RAD54L2: variants seen among roughly 807,000 people sequenced by gnomAD.
The protein encoded by RAD54L2 is helicase ARIP4.
Under a neutral mutation model 138.4 loss-of-function variants are expected in RAD54L2, and 27 were observed. That is an observed-to-expected ratio of 0.20 (90% CI 0.14 to 0.27). The LOEUF is 0.27. Among genes scored for constraint, RAD54L2 ranks in the 10% least tolerant of loss-of-function variants. The probability of loss-of-function intolerance (pLI) is 1.00; values close to 1 mark genes in which losing one functional copy is unlikely to be tolerated. For synonymous variants in RAD54L2, 644 were observed against 723.2 expected, an observed-to-expected ratio of 0.89 and a Z score of 1.76; for missense variants, 1,396 against 1,890.2, an observed-to-expected ratio of 0.74 and a Z score of 4.85.
rs1027769728 is a variant in RAD54L2, at chr3:51,627,594, T to C, written c.181T>C (p.Leu61=). The C allele has an allele frequency of 1.9e-6, 3 of 1,556,510 alleles. No homozygotes were observed. The highest frequency in any genetic ancestry group is 1.4e-5 in the African/African-American group (1 of 73,166). The stretch of plus-strand genomic sequence containing the variant: ...CATGTGTGGCACTGAGCATGCCCAG[T>C]TGGGAGAAGATGGGCAGCAGCCGCC... ...EGMCGTEHAQ[L]GEDGQQPPRC... The change falls in exon 4 of 23, where the codon TTG becomes CTG. Residue 61 remains leucine, a synonymous_variant. Transcript: ENST00000684192.
chr3:51,604,761 TG>T (rs1201605209), intron 3 of RAD54L2, among the ~76,000 whole-genome samples: 1 of 152,154 alleles, frequency 6.6e-6, no homozygotes, highest in Non-Finnish European at 1.5e-5. Context: ...TAGATGGCCT[TG>T]GACATGACTG....
At chr3:51,544,638 C>G (rs1242761397) in intron 2 of RAD54L2, among the ~76,000 whole-genome samples, 1 of 152,168 alleles carries the variant, frequency 6.6e-6, no homozygotes, top group Non-Finnish European at 1.5e-5. Context: ...GAGTCTTGCT[C>G]TGTCACCCAG....
At chr3:51,542,938 A>T (rs969481597) in intron 2 of RAD54L2, among the ~76,000 whole-genome samples, 1 of 152,078 alleles carries the variant, frequency 6.6e-6, no homozygotes, top group African/African-American at 2.4e-5. Flanking sequence ...ACTAAAGTAT[A>T]CCAGGCAGCA....
intron 3 of RAD54L2, among the ~76,000 whole-genome samples, chr3:51,610,662 A>G (rs1311744156): frequency 6.6e-6 from 1 of 151,940 alleles, no homozygotes; most frequent in Non-Finnish European, 1.5e-5. Context: ...AAAAAACAGA[A>G]AGAATGAATG....
intron 2 of RAD54L2, among the ~76,000 whole-genome samples, chr3:51,563,288 G>A (rs944819038): frequency 2.6e-5 from 4 of 152,164 alleles, no homozygotes; most frequent in African/African-American, 4.8e-5. Flanking sequence ...ATTAACAAGA[G>A]CATGTTTAGA....
intron 2 of RAD54L2, among the ~76,000 whole-genome samples, chr3:51,566,466 GTTTTTTTTTTTT>G (rs71084149): frequency 3.2e-4 from 10 of 31,534 alleles, no homozygotes; most frequent in East Asian, 1.4e-3. Context: ...CCTTTTCTGC[GTTTTTTTTTTTT>G]TTTTTTTTTT....
At chr3:51,631,049 C>T in intron 7 of RAD54L2, 118 bp downstream of exon 7, 1 of 1,017,866 alleles carries the variant, frequency 9.8e-7, no homozygotes, top group South Asian at 1.6e-5. Flanking sequence ...CCAAGAGCAG[C>T]TTGTTCAGCT....
intron 3 of RAD54L2, among the ~76,000 whole-genome samples, chr3:51,615,086 T>C (rs531358138): frequency 2.0e-5 from 3 of 152,304 alleles, no homozygotes; most frequent in Admixed American, 1.3e-4. Flanking sequence ...TGATCTTGGC[T>C]CATTGCAATC....
At chr3:51,594,903 G>A (rs529003162) in intron 3 of RAD54L2, among the ~76,000 whole-genome samples, 15 of 113,078 alleles carry the variant, frequency 1.3e-4, no homozygotes, top group African/African-American at 3.8e-4. Flanking sequence ...ACGGAGTCTC[G>A]CTCTGTCATC....
chr3:51,577,007 C>T (rs1426295922), intron 2 of RAD54L2, among the ~76,000 whole-genome samples: 8 of 152,204 alleles, frequency 5.3e-5, no homozygotes, highest in Non-Finnish European at 4.4e-5. Context: ...CCTCTACACA[C>T]TGCTTTAAAT....
At chr3:51,569,911 T>C (rs1046542673) in intron 2 of RAD54L2, among the ~76,000 whole-genome samples, 1 of 152,120 alleles carries the variant, frequency 6.6e-6, no homozygotes, top group Non-Finnish European at 1.5e-5. Context: ...CACAATTCAC[T>C]GCAGCCTTGA....
At chr3:51,577,311 T>C (rs1699502091) in intron 2 of RAD54L2, among the ~76,000 whole-genome samples, 1 of 152,234 alleles carries the variant, frequency 6.6e-6, no homozygotes, top group Non-Finnish European at 1.5e-5. Context: ...CTGAGAAGAA[T>C]GTATATTCTA....
At chr3:51,643,339 C>T (rs1397309826) in intron 15 of RAD54L2, among the ~76,000 whole-genome samples, 1 of 152,228 alleles carries the variant, frequency 6.6e-6, no homozygotes, top group African/African-American at 2.4e-5. Context: ...GGCCCTAAAG[C>T]CTATTTTTTC....
chr3:51,621,159 C>T (rs892449589), intron 3 of RAD54L2, among the ~76,000 whole-genome samples: 2 of 152,122 alleles, frequency 1.3e-5, no homozygotes, highest in African/African-American at 4.8e-5. Context: ...CCATAATCAT[C>T]ATGAAACAGC....
At chr3:51,660,948 A>C (rs1701753194) in intron 22 of RAD54L2, among the ~76,000 whole-genome samples, 1 of 145,278 alleles carries the variant, frequency 6.9e-6, no homozygotes, top group South Asian at 2.2e-4. Flanking sequence ...ATGGTCGCAG[A>C]CATCCATTGC....
At chr3:51,631,909 C>T (rs1258707027) in intron 7 of RAD54L2, among the ~76,000 whole-genome samples, 1 of 152,228 alleles carries the variant, frequency 6.6e-6, no homozygotes, top group Admixed American at 6.5e-5. Flanking sequence ...GTTAGGATTA[C>T]AGGCGTGAGC....
At chr3:51,601,056 G>A (rs930304102) in intron 3 of RAD54L2, among the ~76,000 whole-genome samples, 14 of 152,188 alleles carry the variant, frequency 9.2e-5, no homozygotes, top group Admixed American at 9.2e-4. Flanking sequence ...TTGGAAACAA[G>A]GTTCTCACTG....
chr3:51,663,157 A>C lies in RAD54L2; in HGVS notation c.4141A>C (p.Ser1381Arg). 6.2e-7 allele frequency: 1 copy of C among 1,613,886 alleles called. No individual in the cohort carries two copies. Among genetic ancestry groups the C allele is most frequent in the Non-Finnish European group, 8.5e-7 (1 of 1,179,854 alleles). ...CCCTTCTGTGCCAGGGATACTACCC[A>C]GCTATTCACTCCCATTCTCACAGCC... is the stretch of plus-strand genomic sequence containing the variant. The part of the protein sequence containing the change: ...LNPSVPGILP[S>R]YSLPFSQPLL... The change falls in exon 23 of 23, where the codon AGC becomes CGC. Residue 1381 changes from serine to arginine, a missense_variant. By Grantham distance (110) the Ser-to-Arg change is moderately radical. Around this residue, in one of 7 missense-constraint regions of RAD54L2, gnomAD observed 634 missense variants for 711.2 expected, o/e 0.89. Coordinates refer to ENST00000684192, the MANE Select transcript of RAD54L2 (RefSeq NM_015106.4).
intron 2 of RAD54L2, among the ~76,000 whole-genome samples, chr3:51,573,159 C>T (rs1352930469): frequency 6.6e-6 from 1 of 152,102 alleles, no homozygotes; most frequent in Non-Finnish European, 1.5e-5. Context: ...AGAGGGAGGG[C>T]AAGCTGGTGA....
Sources: allele counts gnomAD v4.1 joint callset (sites outside exome capture counted in the v4.1 genomes callset), GRCh38; gene constraint gnomAD v4.1.1; regional missense constraint gnomAD v4.1.1; transcripts MANE v1.5; gene names NCBI Gene and HGNC (gene_info 2026-07-23, HGNC 2026-07-21).